The following RYR2 variants were observed in gnomAD, a reference collection of about 807,000 sequenced individuals.
RYR2 encodes the protein ryanodine receptor 2, also known as cardiac muscle ryanodine receptor-calcium release channel.
A neutral mutation model predicts 601.1 loss-of-function variants in RYR2; 227 were observed. That is an observed-to-expected ratio of 0.38 (90% CI 0.34 to 0.42). RYR2 has a LOEUF of 0.42. RYR2 is among the 10% of genes least tolerant of loss of function. RYR2 has a pLI of 1.00. For missense variants in RYR2, 4,646 were observed against 6,156.5 expected, an observed-to-expected ratio of 0.75 and a Z score of 8.21; for synonymous variants, 2,223 against 2,175.1, an observed-to-expected ratio of 1.02 and a Z score of -0.61.
chr1:237,420,382 A>G (rs999838759), intron 11 of RYR2, among the ~76,000 whole-genome samples: 2 of 152,204 alleles, frequency 1.3e-5, no homozygotes, highest in East Asian at 1.9e-4. Context: ...CTATTCCCCA[A>G]TTCCCTTTGA....
chr1:237,281,824 A>G (rs1690906671), intron 2 of RYR2, among the ~76,000 whole-genome samples: 1 of 152,356 alleles, frequency 6.6e-6, no homozygotes, highest in African/African-American at 2.4e-5. Context: ...TGGTGTATCC[A>G]TTGTAATAAC....
chr1:237,827,494 G>A (rs187497106), intron 101 of RYR2, among the ~76,000 whole-genome samples: 1 of 151,824 alleles, frequency 6.6e-6, no homozygotes, highest in Non-Finnish European at 1.5e-5. Flanking sequence ...TCAGGGTGTG[G>A]TGGTGTGCGC....
chr1:237,593,362 C>A (rs1435483477), intron 32 of RYR2, 114 bp from the exon 33 acceptor site: 6 of 1,063,122 alleles, frequency 5.6e-6, no homozygotes, highest in Admixed American at 3.1e-5. Flanking sequence ...CGGTTTTAAA[C>A]CAAGAAGTGA....
Position 237,500,864 on chromosome 1 carries a change from G to C in RYR2, c.2357G>C (p.Gly786Ala), listed in dbSNP as rs182778119. ...ATGTTTGAGAATTTCAACATCGATG[G>C]CCTCTTCTTTCCAGTCGTTAGTTTC... ...QGMFENFNID[G>A]LFFPVVSFSA... The change falls in exon 21 of 105, where the codon GGC (glycine) becomes GCC (alanine). Residue 786 changes from glycine to alanine, a missense_variant. Physicochemically the swap from Gly to Ala is moderately conservative, Grantham distance 60. This residue lies in a region of RYR2 where 1,807 missense variants were observed against 2,088.1 expected (regional missense o/e 0.87). Transcript: ENST00000366574. 6.2e-7 allele frequency: 1 copy of C among 1,613,946 alleles called. No homozygotes were observed.
chr1:237,732,821 C>G (rs185406770), intron 78 of RYR2, among the ~76,000 whole-genome samples: 2 of 152,310 alleles, frequency 1.3e-5, no homozygotes, highest in East Asian at 1.9e-4. Flanking sequence ...GGACCTTTAT[C>G]TGCTGCCCTG....
rs140695059 is a variant in RYR2, at chr1:237,099,131, A to G, written c.48+56562A>G. On this transcript the variant is annotated intron_variant, in intron 1 of 104. Coordinates refer to ENST00000366574, the MANE Select transcript of RYR2 (RefSeq NM_001035.3). Reference sequence around the variant, plus strand: ...GAAAAAAAAAAACCCAGGAAATTCAATATCAGCATACATATAACATTTAAG... The same window carrying G: ...GAAAAAAAAAAACCCAGGAAATTCAGTATCAGCATACATATAACATTTAAG... 4.6e-3 allele frequency among the ~76,000 whole-genome samples: 699 copies of G among 152,064 alleles called. 5 individuals carry two copies. Among genetic ancestry groups the G allele is most frequent in the African/African-American group, 0.016 (672 of 41,480 alleles).
At chr1:237,523,913 G>A (rs2147882117) in intron 24 of RYR2, among the ~76,000 whole-genome samples, 1 of 152,224 alleles carries the variant, frequency 6.6e-6, no homozygotes, top group East Asian at 1.9e-4. Flanking sequence ...GACATACCAA[G>A]TGTTGGTGAA....
In RYR2 at chr1:237,631,850, G is replaced by C. The variant is rs1759121; in HGVS notation, c.6555+309G>C. Among the ~76,000 whole-genome samples, 133,848 of 150,886 alleles carry C rather than the reference G, an allele frequency of 0.89. 59,369 individuals are homozygous for C. Among genetic ancestry groups the C allele is most frequent in the East Asian group, 0.99 (4,992 of 5,054 alleles). On this transcript the variant is annotated intron_variant, in intron 42 of 104. Coordinates refer to ENST00000366574, the MANE Select transcript of RYR2 (RefSeq NM_001035.3). ...TCACTGTGTTAGCCAGGATGGTCTC[G>C]ATCTCCTGACCTCGTGATCCGCCCG...
chr1:237,628,145 GCAGTA>G, intron 41 of RYR2, 65 bp downstream of exon 41: 1 of 1,528,268 alleles, frequency 6.5e-7, no homozygotes, highest in African/African-American at 1.4e-5. Context: ...TACCTATAGA[GCAGTA>G]CATTAACTAC....
At chr1:237,259,351 T>A (rs893240418) in intron 1 of RYR2, among the ~76,000 whole-genome samples, 1 of 151,636 alleles carries the variant, frequency 6.6e-6, no homozygotes, top group Non-Finnish European at 1.5e-5. Flanking sequence ...CTACTACAAA[T>A]ACAAAAATTA....
intron 10 of RYR2, among the ~76,000 whole-genome samples, chr1:237,393,334 A>AT (rs1702548486): frequency 1.3e-5 from 2 of 152,188 alleles, no homozygotes; most frequent in Admixed American, 1.3e-4. Context: ...GCATGACAAG[A>AT]TTTTTACCTC....
intron 84 of RYR2, among the ~76,000 whole-genome samples, chr1:237,768,413 C>T (rs752751534): frequency 4.6e-5 from 7 of 152,132 alleles, no homozygotes; most frequent in Middle Eastern, 6.8e-3. Context: ...AAAATGAAGG[C>T]GCAAAGAATG....
At chr1:237,461,127 A>C (rs1659433840) in intron 16 of RYR2, among the ~76,000 whole-genome samples, 1 of 152,190 alleles carries the variant, frequency 6.6e-6, no homozygotes, top group South Asian at 2.1e-4. Flanking sequence ...TGTTTTCCTC[A>C]TCGGAAAATG....
chr1:237,227,119 G>A (rs552780479), intron 1 of RYR2, among the ~76,000 whole-genome samples: 1 of 152,178 alleles, frequency 6.6e-6, no homozygotes, highest in African/African-American at 2.4e-5. Flanking sequence ...ATCGAAAAAT[G>A]TTGGTCAGAG....
intron 62 of RYR2, among the ~76,000 whole-genome samples, chr1:237,686,527 C>T (rs868576659): frequency 4.0e-5 from 6 of 151,872 alleles, no homozygotes; most frequent in Non-Finnish European, 8.8e-5. Flanking sequence ...TTTTGAGGGA[C>T]GAGTAGATGG....
intron 1 of RYR2, among the ~76,000 whole-genome samples, chr1:237,152,962 A>G (rs1054570079): frequency 1.3e-5 from 2 of 152,222 alleles, no homozygotes; most frequent in African/African-American, 4.8e-5. Context: ...AATTTATAAG[A>G]AAAGAAAACC....
chr1:237,172,786 G>A (rs2148912756), intron 1 of RYR2, among the ~76,000 whole-genome samples: 1 of 152,290 alleles, frequency 6.6e-6, no homozygotes, highest in South Asian at 2.1e-4. Flanking sequence ...GCCCCAGGGA[G>A]GTTCCCAAGG....
intron 1 of RYR2, among the ~76,000 whole-genome samples, chr1:237,137,050 A>C (rs1463447285): frequency 1.3e-5 from 2 of 151,778 alleles, no homozygotes; most frequent in East Asian, 3.9e-4. Context: ...GATGCTGAAC[A>C]AAATATTCTA....
intron 84 of RYR2, among the ~76,000 whole-genome samples, chr1:237,762,616 G>A (rs553545852): frequency 3.3e-5 from 5 of 152,078 alleles, no homozygotes; most frequent in Admixed American, 6.6e-5. Flanking sequence ...TTCGTCAGGC[G>A]GATATGGGTT....
Sources: gnomAD v4.1 joint callset for allele counts (sites outside exome capture counted in the v4.1 genomes callset) on GRCh38, gnomAD v4.1.1 for gene constraint, gnomAD v4.1.1 regional missense constraint, MANE v1.5 for transcripts, NCBI Gene and HGNC (gene_info 2026-07-23, HGNC 2026-07-21) for gene names.